Variants in ZFAND3 observed in about 807,000 individuals in gnomAD.
The protein encoded by ZFAND3 is zinc finger AN1-type containing 3.
ZFAND3 carries 10 observed loss-of-function variants against 29.6 expected under a neutral mutation model. The observed-to-expected ratio is 0.34, with a 90% confidence interval of 0.21 to 0.57. The LOEUF (loss-of-function observed/expected upper bound fraction) is 0.57, where lower values mean the gene tolerates loss of function less well. ZFAND3 is among the 20% of genes least tolerant of loss of function. The pLI is 0.86. For synonymous variants in ZFAND3, 128 were observed against 112.6 expected (o/e 1.14, Z -0.87); for missense variants, 230 against 304.5 (o/e 0.76, Z 1.82).
At chr6:38,052,611 A>G (rs2127460532) in intron 2 of ZFAND3, among the ~76,000 whole-genome samples, 2 of 152,320 alleles carry the variant, frequency 1.3e-5, no homozygotes, top group South Asian at 4.1e-4. Context: ...TATTTAATAA[A>G]GTACCTTCTA....
chr6:37,879,865 G>A (rs1193399904), intron 1 of ZFAND3, among the ~76,000 whole-genome samples: 1 of 152,120 alleles, frequency 6.6e-6, no homozygotes, highest in East Asian at 1.9e-4. Context: ...TGTTGGCTTG[G>A]AACTTTTGAA....
chr6:37,919,946 G>A (rs259691), intron 1 of ZFAND3, among the ~76,000 whole-genome samples: 45,315 of 151,742 alleles, frequency 0.3, 7,472 homozygotes, highest in Non-Finnish European at 0.38. Context: ...ATGCCTCTGG[G>A]ACTGGGACTC....
In ZFAND3 at chr6:37,977,770, G is replaced by GTTT. The variant is rs1213067308; in HGVS notation, c.112+47775_112+47777dup. Among the ~76,000 whole-genome samples, 204 of 108,882 alleles carry GTTT rather than the reference G, an allele frequency of 1.9e-3. 9 individuals carry two copies. Among genetic ancestry groups the GTTT allele is most frequent in the Middle Eastern group, 4.9e-3 (1 of 204 alleles). The allele number at this position is 108,882 out of a possible 152,430, so 71.4% of individuals were successfully genotyped here. The stretch of plus-strand genomic sequence containing the variant: ...CCCCCTTTTATTTCTGGTTTGCTGA[G>GTTT]TTTTTTGTTTTTTTTTTTTTTCAAA... On this transcript the variant is annotated intron_variant, in intron 2 of 5. Coordinates refer to ENST00000287218, the MANE Select transcript of ZFAND3 (RefSeq NM_021943.3).
intron 1 of ZFAND3, among the ~76,000 whole-genome samples, chr6:37,905,973 T>G (rs566126068): frequency 6.6e-6 from 1 of 152,172 alleles, no homozygotes; most frequent in Admixed American, 6.5e-5. Flanking sequence ...GAAAAAGTTA[T>G]AGTAATTAAG....
intron 2 of ZFAND3, among the ~76,000 whole-genome samples, chr6:38,020,471 ACT>A (rs1398363898): frequency 1.3e-5 from 2 of 152,094 alleles, no homozygotes; most frequent in East Asian, 3.8e-4. Context: ...CTCCAACATA[ACT>A]CTATCCCTCT....
chr6:38,131,161 G>A (rs1166088685), intron 5 of ZFAND3, among the ~76,000 whole-genome samples: 2 of 151,792 alleles, frequency 1.3e-5, no homozygotes, highest in African/African-American at 4.8e-5. Context: ...AATCTCTTCC[G>A]TTTCATTTCT....
At chr6:37,950,669 G>A (rs909036483) in intron 2 of ZFAND3, among the ~76,000 whole-genome samples, 1 of 152,086 alleles carries the variant, frequency 6.6e-6, no homozygotes, top group Non-Finnish European at 1.5e-5. Context: ...GTGAGCCACC[G>A]TGCCCTACCT....
chr6:37,902,768 G>A (rs1365071390), intron 1 of ZFAND3, among the ~76,000 whole-genome samples: 4 of 109,708 alleles, frequency 3.6e-5, no homozygotes, highest in Non-Finnish European at 5.2e-5. Flanking sequence ...TTTAAGAGAT[G>A]ATGTCTCACT....
chr6:37,897,174 G>T (rs1022899436), intron 1 of ZFAND3, among the ~76,000 whole-genome samples: 2 of 152,136 alleles, frequency 1.3e-5, no homozygotes, highest in Admixed American at 6.6e-5. Flanking sequence ...CTTCATACCT[G>T]TAGGCTCCTT....
At chr6:37,985,724 T>A (rs1762660937) in intron 2 of ZFAND3, among the ~76,000 whole-genome samples, 1 of 152,150 alleles carries the variant, frequency 6.6e-6, no homozygotes, top group Non-Finnish European at 1.5e-5. Flanking sequence ...TGTTATTACT[T>A]AAGGTTCACA....
At chr6:38,148,638 A>T (rs2127498504) in intron 5 of ZFAND3, among the ~76,000 whole-genome samples, 1 of 152,280 alleles carries the variant, frequency 6.6e-6, no homozygotes, top group Non-Finnish European at 1.5e-5. Flanking sequence ...AGAGCAACCC[A>T]AGGTTCATGA....
At chr6:38,074,425 TA>T (rs1379045834) in intron 3 of ZFAND3, among the ~76,000 whole-genome samples, 4 of 152,142 alleles carry the variant, frequency 2.6e-5, no homozygotes, top group African/African-American at 9.7e-5. Context: ...GTAAGATACA[TA>T]AAAAAAGTTT....
At chr6:37,848,844 A>C (rs968496412) in intron 1 of ZFAND3, among the ~76,000 whole-genome samples, 4 of 152,160 alleles carry the variant, frequency 2.6e-5, no homozygotes, top group Non-Finnish European at 5.9e-5. Context: ...TGGTATTATA[A>C]TGATGCTGAA....
intron 1 of ZFAND3, among the ~76,000 whole-genome samples, chr6:37,925,124 C>G (rs1169517744): frequency 6.6e-6 from 1 of 151,826 alleles, no homozygotes; most frequent in Non-Finnish European, 1.5e-5. Context: ...ATTTTATACT[C>G]AATAGGAAAT....
chr6:37,974,654 C>T (rs1371198548), intron 2 of ZFAND3, among the ~76,000 whole-genome samples: 2 of 152,092 alleles, frequency 1.3e-5, no homozygotes, highest in African/African-American at 4.8e-5. Flanking sequence ...CCTTGGTCTC[C>T]CAAAGTGCTG....
intron 2 of ZFAND3, among the ~76,000 whole-genome samples, chr6:37,980,057 C>G (rs1259528690): frequency 2.0e-5 from 3 of 152,166 alleles, no homozygotes; most frequent in Non-Finnish European, 4.4e-5. Flanking sequence ...TACTCCACTT[C>G]ATGTTCCCTT....
At chr6:38,141,499 A>G (rs545301365) in intron 5 of ZFAND3, among the ~76,000 whole-genome samples, 59 of 152,276 alleles carry the variant, frequency 3.9e-4, no homozygotes, top group Admixed American at 3.7e-3. Context: ...GCTGCACTAT[A>G]TAGTCTTTGT....
In ZFAND3 at chr6:37,976,253, A is replaced by G. The variant is rs534487999; in HGVS notation, c.112+46254A>G. Among the ~76,000 whole-genome samples, 3 of 152,256 alleles carry G rather than the reference A, an allele frequency of 2.0e-5. No homozygotes were observed. The East Asian group carries it at 5.8e-4, about 29-fold the overall frequency. On this transcript the variant is annotated intron_variant, in intron 2 of 5. Transcript: ENST00000287218. ...ATTATTTATTCATTGGGTTTTCTAT[A>G]AAGATGTATTAGTCCATTTTCACAC... is the stretch of plus-strand genomic sequence containing the variant.
At chr6:37,893,333 A>G (rs1207151609) in intron 1 of ZFAND3, among the ~76,000 whole-genome samples, 1 of 152,222 alleles carries the variant, frequency 6.6e-6, no homozygotes, top group Non-Finnish European at 1.5e-5. Flanking sequence ...AAAACAAATT[A>G]TATCATCATC....
Sources: gnomAD v4.1 joint callset for allele counts (sites outside exome capture counted in the v4.1 genomes callset) on GRCh38, gnomAD v4.1.1 for gene constraint, MANE v1.5 for transcripts, NCBI Gene and HGNC (gene_info 2026-07-23, HGNC 2026-07-21) for gene names.